The following HDAC4 variants were observed in gnomAD, a reference collection of about 807,000 sequenced individuals.
HDAC4 encodes histone deacetylase 4, also known as histone deacetylase A.
A neutral mutation model predicts 135.1 loss-of-function variants in HDAC4; 16 were observed. The observed-to-expected ratio is 0.12, with a 90% CI of 0.08 to 0.18. The LOEUF (loss-of-function observed/expected upper bound fraction) is 0.18. Among genes scored for constraint, HDAC4 ranks in the 10% least tolerant of loss-of-function variants. The pLI, the probability that HDAC4 is intolerant of heterozygous loss-of-function variation, is 1.00. For synonymous variants in HDAC4, 685 were observed against 653.4 expected (o/e 1.05, Z -0.74); for missense variants, 1,143 against 1,511.8 (o/e 0.76, Z 4.05).
chr2:239,401,569 G>T (rs1697000336), upstream of HDAC4: 3 of 225,800 alleles, frequency 1.3e-5, no homozygotes, highest in Non-Finnish European at 2.6e-5. Context: ...CCTAATTCGC[G>T]CTTAGAGGGC....
chr2:239,394,311 T>C (rs870790), intron 1 of HDAC4, among the ~76,000 whole-genome samples: 95,279 of 152,126 alleles, frequency 0.63, 30,475 homozygotes, highest in East Asian at 0.93. Context: ...AAAATGTTTA[T>C]GTACACAAAC....
chr2:239,302,963 G>A (rs1239055464), intron 2 of HDAC4, among the ~76,000 whole-genome samples: 1 of 152,204 alleles, frequency 6.6e-6, no homozygotes, highest in Non-Finnish European at 1.5e-5. Context: ...CCTTGGCAGG[G>A]AGAGGAAAGG....
At chr2:239,070,756 G>A (rs1401842220) in intron 22 of HDAC4, among the ~76,000 whole-genome samples, 1 of 152,102 alleles carries the variant, frequency 6.6e-6, no homozygotes, top group East Asian at 1.9e-4. Flanking sequence ...CTTTAAAAAG[G>A]GGCTTCAAAA....
At chr2:239,201,200 A>C (rs940779299) in intron 3 of HDAC4, among the ~76,000 whole-genome samples, 6 of 152,352 alleles carry the variant, frequency 3.9e-5, no homozygotes, top group African/African-American at 1.2e-4. Context: ...ACCTGGCTGA[A>C]CAGTGAGAGG....
At chr2:239,219,686 C>T (rs192347111) in intron 3 of HDAC4, among the ~76,000 whole-genome samples, 17 of 151,966 alleles carry the variant, frequency 1.1e-4, no homozygotes, top group African/African-American at 1.7e-4. Context: ...TCAGATTAGA[C>T]GGGTAAAAAG....
At chr2:239,231,585 G>C (rs536426575) in intron 3 of HDAC4, among the ~76,000 whole-genome samples, 3 of 152,340 alleles carry the variant, frequency 2.0e-5, no homozygotes, top group African/African-American at 7.2e-5. Context: ...TGTTGCTACT[G>C]ACTTTTTTTG....
At chr2:239,136,162 G>A (rs1345866148) in intron 9 of HDAC4, among the ~76,000 whole-genome samples, 1 of 152,180 alleles carries the variant, frequency 6.6e-6, no homozygotes, top group Non-Finnish European at 1.5e-5. Flanking sequence ...CTAGTTAGTG[G>A]GGTTTGGCAG....
intron 4 of HDAC4, among the ~76,000 whole-genome samples, chr2:239,176,958 C>T (rs1455496392): frequency 6.6e-6 from 1 of 152,136 alleles, no homozygotes; most frequent in East Asian, 1.9e-4. Flanking sequence ...ACATCTGCCC[C>T]GAGACCCAGC....
chr2:239,366,270 G>C (rs1694209618), intron 1 of HDAC4, among the ~76,000 whole-genome samples: 2 of 151,306 alleles, frequency 1.3e-5, no homozygotes, highest in Admixed American at 1.3e-4. Flanking sequence ...TGCATGCACA[G>C]AGCAGGGTCG....
chr2:239,206,326 TCAAA>T (rs2046044257), intron 3 of HDAC4, among the ~76,000 whole-genome samples: 1 of 151,016 alleles, frequency 6.6e-6, no homozygotes, highest in Non-Finnish European at 1.5e-5. Context: ...AAAACCTGCC[TCAAA>T]AAAAAAGAAA....
intron 24 of HDAC4, among the ~76,000 whole-genome samples, chr2:239,063,846 C>G (rs2033129354): frequency 6.6e-6 from 1 of 152,268 alleles, no homozygotes; most frequent in Non-Finnish European, 1.5e-5. Flanking sequence ...GCCCACTTCC[C>G]TGACCGCCAG....
chr2:239,099,520 G>A (rs2037419776), intron 16 of HDAC4, among the ~76,000 whole-genome samples: 1 of 152,206 alleles, frequency 6.6e-6, no homozygotes, highest in African/African-American at 2.4e-5. Flanking sequence ...ACATGGGGAG[G>A]CAGTGACGTT....
At chr2:239,168,709 G>A (rs545724963) in intron 5 of HDAC4, among the ~76,000 whole-genome samples, 21 of 152,332 alleles carry the variant, frequency 1.4e-4, no homozygotes, top group Middle Eastern at 3.4e-3. Context: ...GGAAGACGCC[G>A]GCTTGGGCCC....
At chr2:239,347,809 C>T (rs1420097605) in intron 2 of HDAC4, among the ~76,000 whole-genome samples, 1 of 152,190 alleles carries the variant, frequency 6.6e-6, no homozygotes, top group Non-Finnish European at 1.5e-5. Context: ...GCCACCGCAC[C>T]CGGCCACTTA....
At chr2:239,179,111 G>A (rs1423880186) in intron 4 of HDAC4, among the ~76,000 whole-genome samples, 4 of 151,466 alleles carry the variant, frequency 2.6e-5, no homozygotes, top group East Asian at 2.0e-4. Flanking sequence ...GAGTGCGTGC[G>A]AGGCAGCCAC....
intron 2 of HDAC4, among the ~76,000 whole-genome samples, chr2:239,304,482 G>A (rs555149829): frequency 2.0e-5 from 3 of 152,320 alleles, no homozygotes; most frequent in African/African-American, 7.2e-5. Context: ...TGAGGATAGA[G>A]GCTATAACGT....
chr2:239,283,088 C>T (rs548441467), intron 2 of HDAC4, among the ~76,000 whole-genome samples: 4 of 152,378 alleles, frequency 2.6e-5, no homozygotes, highest in Admixed American at 2.0e-4. Context: ...TTCCAGGATT[C>T]GCTCGCCCAC....
chr2:239,084,465 G>GCACA (rs78087978), intron 19 of HDAC4, among the ~76,000 whole-genome samples: 270 of 108,024 alleles, frequency 2.5e-3, no homozygotes, highest in South Asian at 0.017. Flanking sequence ...GCGTGCGCGC[G>GCACA]CACACACACA....
chr2:239,398,748 G>A (rs539637050), intron 1 of HDAC4, among the ~76,000 whole-genome samples: 1 of 152,214 alleles, frequency 6.6e-6, no homozygotes, highest in African/African-American at 2.4e-5. Flanking sequence ...AGGGCTCCGA[G>A]GCCACATCTG....
Sources: allele counts gnomAD v4.1 joint callset (sites outside exome capture counted in the v4.1 genomes callset), GRCh38; gene constraint gnomAD v4.1.1; transcripts MANE v1.5; gene names NCBI Gene and HGNC (gene_info 2026-07-23, HGNC 2026-07-21).